Variants in ROBO2 observed in about 807,000 individuals in gnomAD.
The protein encoded by ROBO2 is roundabout homolog 2.
Under a neutral mutation model 160.8 loss-of-function variants are expected in ROBO2, and 53 were observed. The observed-to-expected ratio is 0.33, with a 90% CI of 0.26 to 0.41. The LOEUF (loss-of-function observed/expected upper bound fraction) is 0.41, where lower values mean the gene tolerates loss of function less well. Ranked by LOEUF, ROBO2 falls within the 10% of genes least tolerant of loss-of-function variation. The pLI is 1.00. For synonymous variants in ROBO2, 664 were observed against 611.7 expected, an observed-to-expected ratio of 1.09 and a Z score of -1.26; for missense variants, 1,577 against 1,722.4, an observed-to-expected ratio of 0.92 and a Z score of 1.49.
At chr3:77,289,033 G>C (rs62249748) in intron 2 of ROBO2, among the ~76,000 whole-genome samples, 1,705 of 152,256 alleles carry the variant, frequency 0.011, 23 homozygotes, top group African/African-American at 0.031. Flanking sequence ...GTTTCTGTGT[G>C]TTTGTTCCTG....
At chr3:77,113,143 A>G (rs566937843) in intron 2 of ROBO2, among the ~76,000 whole-genome samples, 1 of 152,348 alleles carries the variant, frequency 6.6e-6, no homozygotes, top group East Asian at 1.9e-4. Flanking sequence ...TAAGCAATTA[A>G]ATCAATTGCA....
At chr3:77,358,992 A>G (rs4578998) in intron 2 of ROBO2, among the ~76,000 whole-genome samples, 138,733 of 152,262 alleles carry the variant, frequency 0.91, 63,381 homozygotes, top group East Asian at 1. Context: ...GTTTTGCTTT[A>G]TTTTCTTCTC....
intron 2 of ROBO2, among the ~76,000 whole-genome samples, chr3:76,142,391 C>A (rs1484358309): frequency 1.3e-5 from 2 of 151,930 alleles, no homozygotes; most frequent in Admixed American, 1.3e-4. Flanking sequence ...GCACTGTTTA[C>A]AGTAGCTAAA....
intron 5 of ROBO2, among the ~76,000 whole-genome samples, chr3:77,515,983 TA>T (rs2089977196): frequency 6.6e-6 from 1 of 151,636 alleles, no homozygotes; most frequent in Non-Finnish European, 1.5e-5. Flanking sequence ...TATTGCATAA[TA>T]AAAGAGTATT....
chr3:77,555,486 A>G (rs181752543), intron 8 of ROBO2, among the ~76,000 whole-genome samples: 2 of 152,142 alleles, frequency 1.3e-5, no homozygotes, highest in East Asian at 1.9e-4. Context: ...ATCATAGATT[A>G]AGCTAATATG....
chr3:77,634,274 A>G (rs1466078205), intron 23 of ROBO2: 1 of 155,824 alleles, frequency 6.4e-6, no homozygotes, highest in African/African-American at 2.4e-5. Flanking sequence ...TTAACCTGCT[A>G]TCCTCTACAC....
intron 2 of ROBO2, among the ~76,000 whole-genome samples, chr3:76,380,119 A>G (rs1197458771): frequency 4.6e-5 from 7 of 152,084 alleles, no homozygotes; most frequent in African/African-American, 9.7e-5. Flanking sequence ...TTGGAATACA[A>G]TGGTTTGTTT....
chr3:76,685,356 G>A (rs973947809), intron 2 of ROBO2, among the ~76,000 whole-genome samples: 45 of 151,884 alleles, frequency 3.0e-4, no homozygotes, highest in African/African-American at 1.0e-3. Flanking sequence ...TCAAATTATC[G>A]TAAAATCATA....
chr3:76,250,605 T>C (rs779078058), intron 2 of ROBO2, among the ~76,000 whole-genome samples: 27 of 152,042 alleles, frequency 1.8e-4, no homozygotes, highest in African/African-American at 6.0e-4. Context: ...TTGAACAGTT[T>C]CATATCCCTG....
intron 2 of ROBO2, among the ~76,000 whole-genome samples, chr3:76,368,845 G>T (rs1458223938): frequency 6.6e-6 from 1 of 151,932 alleles, no homozygotes; most frequent in African/African-American, 2.4e-5. Context: ...ACCTTGCGAT[G>T]TAGAGGAGTA....
chr3:77,317,886 G>A (rs1216174538), intron 2 of ROBO2, among the ~76,000 whole-genome samples: 3 of 65,312 alleles, frequency 4.6e-5, no homozygotes, highest in Non-Finnish European at 6.1e-5. Context: ...GGGGGCTGCT[G>A]GGGGGCTGCT....
chr3:77,097,118 T>C (rs1031347986), intron 1 of ROBO2, among the ~76,000 whole-genome samples: 2 of 152,174 alleles, frequency 1.3e-5, no homozygotes, highest in African/African-American at 4.8e-5. Flanking sequence ...GCACAAAGCC[T>C]TGTCTCAGGC....
chr3:76,594,375 T>C (rs190219040), intron 2 of ROBO2, among the ~76,000 whole-genome samples: 2 of 152,098 alleles, frequency 1.3e-5, no homozygotes, highest in East Asian at 3.9e-4. Context: ...TAAGTTATTA[T>C]CATCATTTGG....
At chr3:76,705,240 A>T (rs2093135683) in intron 2 of ROBO2, among the ~76,000 whole-genome samples, 4 of 152,126 alleles carry the variant, frequency 2.6e-5, no homozygotes, top group Admixed American at 2.6e-4. Flanking sequence ...TGAAAAACAG[A>T]TATCCCAGTT....
At chr3:75,953,668 G>C (rs1041229942) in intron 2 of ROBO2, among the ~76,000 whole-genome samples, 1 of 151,744 alleles carries the variant, frequency 6.6e-6, no homozygotes. Flanking sequence ...GGTGTATATA[G>C]GCCCCTTTCA....
intron 2 of ROBO2, among the ~76,000 whole-genome samples, chr3:77,167,075 G>A (rs2079167966): frequency 6.6e-6 from 1 of 152,150 alleles, no homozygotes; most frequent in African/African-American, 2.4e-5. Flanking sequence ...TTGTCTACCA[G>A]CTCTGTGACA....
At chr3:76,281,910 C>A (rs1427701202) in intron 2 of ROBO2, among the ~76,000 whole-genome samples, 3 of 151,954 alleles carry the variant, frequency 2.0e-5, no homozygotes, top group African/African-American at 7.2e-5. Flanking sequence ...CTGGTCTACA[C>A]CCCTCTGGAG....
At chr3:77,063,698 A>G (rs756603588) in intron 1 of ROBO2, among the ~76,000 whole-genome samples, 9 of 152,224 alleles carry the variant, frequency 5.9e-5, no homozygotes, top group African/African-American at 1.2e-4. Context: ...CAACGTATAC[A>G]TAAGGAAGTG....
intron 2 of ROBO2, among the ~76,000 whole-genome samples, chr3:76,199,614 G>C (rs1014784621): frequency 6.6e-6 from 1 of 152,038 alleles, no homozygotes; most frequent in Admixed American, 6.6e-5. Flanking sequence ...ATAGAAACCT[G>C]ACCCACAAAC....
Sources: gnomAD v4.1 joint callset for allele counts (sites outside exome capture counted in the v4.1 genomes callset) on GRCh38, gnomAD v4.1.1 for gene constraint, MANE v1.5 for transcripts, NCBI Gene and HGNC (gene_info 2026-07-23, HGNC 2026-07-21) for gene names.